Variants in RNLS observed in about 807,000 individuals in gnomAD.
RNLS encodes the protein renalase, FAD dependent amine oxidase.
In RNLS, 39 loss-of-function variants were observed where a neutral mutation model predicts 39.8. The ratio of observed to expected loss-of-function variants is 0.98; its 90% CI spans 0.76 to 1.28. The LOEUF (loss-of-function observed/expected upper bound fraction) is 1.28, where lower values mean the gene tolerates loss of function less well. Ranked by LOEUF, RNLS falls within the 50% of genes most tolerant of loss-of-function variation. RNLS has a pLI of 0.00. For synonymous variants in RNLS, 147 were observed against 150.7 expected, an observed-to-expected ratio of 0.98 and a Z score of 0.18; for missense variants, 410 against 413.3, an observed-to-expected ratio of 0.99 and a Z score of 0.07.
chr10:88,400,318 T>C (rs767625654), intron 4 of RNLS, among the ~76,000 whole-genome samples: 2 of 152,016 alleles, frequency 1.3e-5, no homozygotes, highest in African/African-American at 2.4e-5. Context: ...CTATTTTCCT[T>C]TGATCTCCCT....
chr10:88,523,722 T>C (rs1193818796), intron 4 of RNLS, among the ~76,000 whole-genome samples: 8 of 152,152 alleles, frequency 5.3e-5, no homozygotes, highest in Non-Finnish European at 1.2e-4. Flanking sequence ...GAAAGTCCTT[T>C]GTAGATACTG....
intron 4 of RNLS, among the ~76,000 whole-genome samples, chr10:88,443,842 G>A (rs937911468): frequency 2.0e-5 from 3 of 152,248 alleles, no homozygotes; most frequent in Non-Finnish European, 4.4e-5. Context: ...ACTGGGTGGA[G>A]CCCACTGCAG....
the RNLS span, among the ~76,000 whole-genome samples, chr10:88,173,577 A>G: frequency 3.3e-5 from 5 of 152,304 alleles, no homozygotes; most frequent in Admixed American, 2.0e-4. Flanking sequence ...TTTGGATAGC[A>G]TGCTCATTTT....
intron 6 of RNLS, among the ~76,000 whole-genome samples, chr10:88,278,493 A>T (rs1331493286): frequency 6.6e-6 from 1 of 152,174 alleles, no homozygotes; most frequent in Non-Finnish European, 1.5e-5. Flanking sequence ...CCCTGCTTAC[A>T]TGTCATTGGT....
At chr10:88,500,001 A>T (rs966742728) in intron 4 of RNLS, among the ~76,000 whole-genome samples, 1 of 152,168 alleles carries the variant, frequency 6.6e-6, no homozygotes, top group Non-Finnish European at 1.5e-5. Context: ...GGCTTGGAGA[A>T]AGAATTCTAA....
At chr10:88,509,213 T>G (rs1251995118) in intron 4 of RNLS, among the ~76,000 whole-genome samples, 1 of 152,128 alleles carries the variant, frequency 6.6e-6, no homozygotes, top group Admixed American at 6.6e-5. Context: ...TGTATGATTA[T>G]GATTTTGTGA....
intron 3 of RNLS, among the ~76,000 whole-genome samples, chr10:88,577,907 T>A (rs1025145092): frequency 1.3e-5 from 2 of 152,224 alleles, no homozygotes; most frequent in African/African-American, 2.4e-5. Flanking sequence ...AAAGCATGCC[T>A]GATTAGGCAT....
chr10:88,222,871 C>A, the RNLS span, among the ~76,000 whole-genome samples: 2 of 152,226 alleles, frequency 1.3e-5, no homozygotes, highest in African/African-American at 4.8e-5. Context: ...GCAAAGGAGG[C>A]AGCTATAGTC....
the RNLS span, chr10:88,259,178 C>T: frequency 3.3e-5 from 5 of 152,152 alleles, no homozygotes; most frequent in Admixed American, 1.3e-4. Flanking sequence ...TCATGTCTGC[C>T]GGTCTCAACT....
At chr10:88,411,534 T>C (rs1343177446) in intron 4 of RNLS, among the ~76,000 whole-genome samples, 2 of 151,956 alleles carry the variant, frequency 1.3e-5, no homozygotes, top group East Asian at 1.9e-4. Context: ...TTTTTTTTTT[T>C]CCACTTTTCC....
chr10:88,515,600 C>A (rs1171388324), intron 4 of RNLS, among the ~76,000 whole-genome samples: 1 of 152,038 alleles, frequency 6.6e-6, no homozygotes, highest in African/African-American at 2.4e-5. Flanking sequence ...GAACATCACC[C>A]TTCTGTAATG....
chr10:88,372,743 T>G (rs1213065117), intron 4 of RNLS, among the ~76,000 whole-genome samples: 1 of 152,196 alleles, frequency 6.6e-6, no homozygotes, highest in African/African-American at 2.4e-5. Flanking sequence ...TGGACTGACA[T>G]GTAAAATAAT....
At chr10:88,199,350 T>A in the RNLS span, among the ~76,000 whole-genome samples, 1 of 152,184 alleles carries the variant, frequency 6.6e-6, no homozygotes, top group Non-Finnish European at 1.5e-5. Context: ...TTTGTCAACC[T>A]CAGCACCATT....
intron 4 of RNLS, among the ~76,000 whole-genome samples, chr10:88,552,601 T>C (rs1033129293): frequency 9.2e-5 from 14 of 152,220 alleles, no homozygotes; most frequent in African/African-American, 3.4e-4. Context: ...ATAAATCTAT[T>C]GTCTGATAAT....
chr10:88,566,409 C>G (rs916060946), intron 4 of RNLS, among the ~76,000 whole-genome samples: 1 of 151,894 alleles, frequency 6.6e-6, no homozygotes, highest in Non-Finnish European at 1.5e-5. Flanking sequence ...CAGAATTGGT[C>G]CCATTTAAAG....
At chr10:88,550,390 C>T (rs1848551250) in intron 4 of RNLS, among the ~76,000 whole-genome samples, 1 of 152,088 alleles carries the variant, frequency 6.6e-6, no homozygotes, top group Non-Finnish European at 1.5e-5. Context: ...CTAATTTTCT[C>T]CTATTTGTCT....
chr10:88,269,986 T>A (rs1388137857), downstream of RNLS, among the ~76,000 whole-genome samples: 1 of 152,172 alleles, frequency 6.6e-6, no homozygotes, highest in African/African-American at 2.4e-5. Context: ...TAGCTGGGAC[T>A]CCAGGCGTGC....
the RNLS span, among the ~76,000 whole-genome samples, chr10:88,186,628 A>G: frequency 6.6e-6 from 1 of 152,194 alleles, no homozygotes; most frequent in East Asian, 1.9e-4. Flanking sequence ...AATTGAATGC[A>G]TATTTAAGTG....
At chr10:88,485,642 C>CAAA (rs11366047) in intron 4 of RNLS, among the ~76,000 whole-genome samples, 3 of 104,852 alleles carry the variant, frequency 2.9e-5, no homozygotes, top group African/African-American at 7.2e-5. Flanking sequence ...AATGAAAAAC[C>CAAA]AAAAAAAAAA....
Sources: allele counts gnomAD v4.1 joint callset (sites outside exome capture counted in the v4.1 genomes callset), GRCh38; gene constraint gnomAD v4.1.1; transcripts MANE v1.5; gene names NCBI Gene and HGNC (gene_info 2026-07-23, HGNC 2026-07-21).